The following PAK2 variants were observed in gnomAD, a reference collection of about 807,000 sequenced individuals.
PAK2 encodes p21 (RAC1) activated kinase 2.
Under a neutral mutation model 65.9 loss-of-function variants are expected in PAK2, and 21 were observed. The ratio of observed to expected loss-of-function variants is 0.32; its 90% CI spans 0.23 to 0.46. The LOEUF is 0.46. Ranked by LOEUF, PAK2 falls within the 20% of genes least tolerant of loss-of-function variation. The pLI, the probability that PAK2 is intolerant of heterozygous loss-of-function variation, is 1.00. For missense variants in PAK2, 324 were observed against 642.6 expected, an observed-to-expected ratio of 0.50 and a Z score of 5.36; for synonymous variants, 204 against 219.7, an observed-to-expected ratio of 0.93 and a Z score of 0.63.
intron 10 of PAK2, 26 bp downstream of exon 10, chr3:196,812,877 C>A (rs367851256): frequency 6.1e-6 from 6 of 977,234 alleles, no homozygotes; most frequent in Non-Finnish European, 9.7e-6. Context: ...CCTTAAACAC[C>A]GGGAGAAAAT....
At chr3:196,802,675 T>G (rs1715457105) in intron 3 of PAK2, among the ~76,000 whole-genome samples, 1 of 151,942 alleles carries the variant, frequency 6.6e-6, no homozygotes, top group South Asian at 2.1e-4. Context: ...AAACCCCGTC[T>G]CTACTAAAAA....
At chr3:196,752,382 G>GA (rs928990266) in intron 1 of PAK2, among the ~76,000 whole-genome samples, 348 of 151,908 alleles carry the variant, frequency 2.3e-3, no homozygotes, top group African/African-American at 7.9e-3. Flanking sequence ...AATCTAAATT[G>GA]AAAAAAAATT....
At chr3:196,774,830 C>A (rs1442699454) in intron 1 of PAK2, among the ~76,000 whole-genome samples, 3 of 152,230 alleles carry the variant, frequency 2.0e-5, no homozygotes, top group South Asian at 2.1e-4. Flanking sequence ...TTTCTCCCAA[C>A]AAAAAAACTG....
chr3:196,817,699 A>G (rs542121066), intron 11 of PAK2, among the ~76,000 whole-genome samples: 1 of 152,042 alleles, frequency 6.6e-6, no homozygotes, highest in African/African-American at 2.4e-5. Flanking sequence ...GGGTTTTGCC[A>G]TGTTGGCCAG....
chr3:196,740,927 C>T (rs556093985), intron 1 of PAK2, among the ~76,000 whole-genome samples: 1 of 152,294 alleles, frequency 6.6e-6, no homozygotes, highest in South Asian at 2.1e-4. Flanking sequence ...CATCCAAGAA[C>T]AGAAGCGTGT....
intron 1 of PAK2, among the ~76,000 whole-genome samples, chr3:196,751,663 T>TTTTATATATATATA (rs1491521540): frequency 2.2e-4 from 10 of 45,724 alleles, no homozygotes; most frequent in African/African-American, 1.1e-3. Context: ...ACACACAAAT[T>TTTTATATATATATA]TATTTATATA....
intron 1 of PAK2, among the ~76,000 whole-genome samples, chr3:196,742,459 T>A (rs1043031850): frequency 6.6e-6 from 1 of 152,226 alleles, no homozygotes; most frequent in Non-Finnish European, 1.5e-5. Flanking sequence ...AACTTTCAAT[T>A]ATACTTTTCT....
intron 2 of PAK2, among the ~76,000 whole-genome samples, chr3:196,793,050 G>C (rs1273227950): frequency 6.6e-6 from 1 of 152,196 alleles, no homozygotes; most frequent in South Asian, 2.1e-4. Flanking sequence ...TGTCGGAGTG[G>C]GGGTAGGATG....
chr3:196,805,209 T>C, intron 4 of PAK2, 143 bp from the exon 5 acceptor site: 1 of 575,094 alleles, frequency 1.7e-6, no homozygotes, highest in Non-Finnish European at 3.1e-6. Context: ...ATTTGACTAC[T>C]TGCGTGTTCA....
In PAK2 at chr3:196,829,386, CCT is replaced by C. The variant is rs77592848; in HGVS notation, c.*987_*988del. 0.017 allele frequency: 2,655 copies of C among 152,574 alleles called. 158 individuals carry two copies. The highest frequency in any genetic ancestry group is 0.12 in the Admixed American group (1,787 of 15,244). The allele number at this position is 152,574 out of a possible 1,614,324, so 9.5% of individuals were successfully genotyped here. A position where few individuals can be genotyped will look rare whatever the true frequency, so the allele number is the denominator to read the frequency against. On this transcript the variant is annotated 3_prime_UTR_variant, in exon 15 of 15. Transcript: ENST00000327134. The stretch of plus-strand genomic sequence containing the variant: ...TTTGTTCTTTTTCTTTTTCATTAAT[CCT>C]CTCTCACCTCACAGATACCCCCTCC...
At chr3:196,784,024 A>G (rs144429812) in intron 2 of PAK2, among the ~76,000 whole-genome samples, 5 of 152,264 alleles carry the variant, frequency 3.3e-5, no homozygotes, top group Admixed American at 3.3e-4. Context: ...TGTTGAATGT[A>G]CATCTTACTG....
rs1185746526 is a variant in PAK2, at chr3:196,829,211, C to A, written c.*806C>A. 1 of 152,606 alleles carries A rather than the reference C, an allele frequency of 6.6e-6. No individual in the cohort carries two copies. Among genetic ancestry groups the A allele is most frequent in the Non-Finnish European group, 1.5e-5 (1 of 68,034 alleles). The allele number at this position is 152,606 out of a possible 1,614,324, so 9.5% of individuals were successfully genotyped here. A position where few individuals can be genotyped will look rare whatever the true frequency, so the allele number is the denominator to read the frequency against. On this transcript the variant is annotated 3_prime_UTR_variant, in exon 15 of 15. Transcript: ENST00000327134. ...ATTTTGTCTTCCCTTCTGCCTGTTT[C>A]CCCTTCAGGCTTGGCTCTAGGAACC...
In PAK2 at chr3:196,815,137, A is replaced by G. The variant is rs191427920; in HGVS notation, c.1053+569A>G. On this transcript the variant is annotated intron_variant, in intron 11 of 14. Transcript: ENST00000327134. Reference sequence around the variant, plus strand: ...GGAGCTTGCAGTGAGCCGAGATCACACCACTGCACTCCAGCCTGGGCAACA... The same window carrying G: ...GGAGCTTGCAGTGAGCCGAGATCACGCCACTGCACTCCAGCCTGGGCAACA... 5.8e-3 allele frequency among the ~76,000 whole-genome samples: 880 copies of G among 151,862 alleles called. 13 individuals carry two copies. Among genetic ancestry groups the G allele is most frequent in the East Asian group, 0.045 (231 of 5,154 alleles).
At chr3:196,755,910 C>T (rs528423287) in intron 1 of PAK2, among the ~76,000 whole-genome samples, 1 of 152,164 alleles carries the variant, frequency 6.6e-6, no homozygotes, top group Non-Finnish European at 1.5e-5. Context: ...CGAGCACCAC[C>T]ATGCCTGGCT....
chr3:196,740,110 G>C lies in PAK2; in HGVS notation c.-69G>C, dbSNP rs1713136176. ...GGGGCGGCTCCGCAGCCCGCCGGGA[G>C]CTCTGACCGAGGCGCCTCGCTGGGG... On this transcript the variant is annotated 5_prime_UTR_variant, in exon 1 of 15. Transcript: ENST00000327134. The C allele has an allele frequency of 6.6e-6, 1 of 152,006 alleles. No individual in the cohort carries two copies. Among genetic ancestry groups the C allele is most frequent in the South Asian group, 2.1e-4 (1 of 4,830 alleles). 9.4% of individuals were successfully genotyped at this position (152,006 alleles called of 1,614,324 possible).
In PAK2 at chr3:196,775,589, G is replaced by A. The variant is rs56828050; in HGVS notation, c.-21-7037G>A. Among the ~76,000 whole-genome samples, 535 of 152,134 alleles carry A rather than the reference G, an allele frequency of 3.5e-3. 3 individuals carry two copies. Among genetic ancestry groups the A allele is most frequent in the African/African-American group, 0.013 (522 of 41,502 alleles). On this transcript the variant is annotated intron_variant, in intron 1 of 14. Transcript: ENST00000327134. ...GTAGAGACGGGGTTTCACCATGTTG[G>A]CCAGGATGGTCTCGATCTCTTGACC...
At chr3:196,775,415 C>T (rs1213871480) in intron 1 of PAK2, among the ~76,000 whole-genome samples, 5 of 152,090 alleles carry the variant, frequency 3.3e-5, no homozygotes, top group Non-Finnish European at 7.4e-5. Context: ...CGGAATCTCA[C>T]TCTGTGGCCC....
At chr3:196,790,807 C>T (rs1033269466) in intron 2 of PAK2, among the ~76,000 whole-genome samples, 2 of 152,204 alleles carry the variant, frequency 1.3e-5, no homozygotes, top group African/African-American at 4.8e-5. Flanking sequence ...AGGCTTGAGT[C>T]AACACACCTG....
At chr3:196,800,842 G>A (rs1465860283) in intron 2 of PAK2, among the ~76,000 whole-genome samples, 1 of 152,034 alleles carries the variant, frequency 6.6e-6, no homozygotes, top group East Asian at 1.9e-4. Context: ...AAATCAAGAG[G>A]AAAACGTAAG....
Sources: gnomAD v4.1 joint callset for allele counts (sites outside exome capture counted in the v4.1 genomes callset) on GRCh38, gnomAD v4.1.1 for gene constraint, MANE v1.5 for transcripts, NCBI Gene and HGNC (gene_info 2026-07-23, HGNC 2026-07-21) for gene names.